Variants in GALNTL6 observed in about 807,000 individuals in gnomAD.
The protein encoded by GALNTL6 is polypeptide N-acetylgalactosaminyltransferase-like 6.
Under a neutral mutation model 73.7 loss-of-function variants are expected in GALNTL6, and 46 were observed. The ratio of observed to expected loss-of-function variants is 0.62; its 90% confidence interval spans 0.49 to 0.80. The LOEUF (loss-of-function observed/expected upper bound fraction) is 0.80. Ranked by LOEUF, GALNTL6 falls within the 30% of genes least tolerant of loss-of-function variation. The probability of loss-of-function intolerance (pLI) is 0.00; values close to 1 mark genes in which losing one functional copy is unlikely to be tolerated. For synonymous variants in GALNTL6, 259 were observed against 263.7 expected, an observed-to-expected ratio of 0.98 and a Z score of 0.17; for missense variants, 604 against 755.0, an observed-to-expected ratio of 0.80 and a Z score of 2.34.
At chr4:171,987,884 T>C (rs1740154307) in intron 2 of GALNTL6, among the ~76,000 whole-genome samples, 1 of 151,834 alleles carries the variant, frequency 6.6e-6, no homozygotes, top group Non-Finnish European at 1.5e-5. Context: ...GGGGGTCAGG[T>C]GTGGTATCAG....
intron 10 of GALNTL6, among the ~76,000 whole-genome samples, chr4:172,999,039 A>G (rs1218350952): frequency 3.3e-5 from 5 of 151,068 alleles, no homozygotes; most frequent in Non-Finnish European, 5.9e-5. Context: ...AGAGGGCTCT[A>G]GGGAGTACTG....
At position 172,615,939 on chromosome 4, in the gene GALNTL6, T is replaced by A. The variant is rs187919280; in HGVS notation, c.554-193422T>A. Among the ~76,000 whole-genome samples the A allele has an allele frequency of 1.6e-3, 247 of 152,326 alleles. 1 individual carries two copies. The highest frequency in any genetic ancestry group is 5.1e-3 in the African/African-American group (214 of 41,572). ...CTAACACCTGACTCTCTTGCTTTTATTTCTTTTCTTTAAGTAAATGAAGTA... is the reference window on the plus strand; with the variant it reads ...CTAACACCTGACTCTCTTGCTTTTAATTCTTTTCTTTAAGTAAATGAAGTA... On this transcript the variant is annotated intron_variant, in intron 5 of 12. Transcript: ENST00000506823.
chr4:172,824,136 C>T (rs1208839137), intron 7 of GALNTL6, among the ~76,000 whole-genome samples: 1 of 152,118 alleles, frequency 6.6e-6, no homozygotes, highest in Non-Finnish European at 1.5e-5. Flanking sequence ...ATGTATAGCT[C>T]TAAAGTCTAG....
chr4:172,086,194 C>T lies in GALNTL6; in HGVS notation c.139-143462C>T, dbSNP rs535486918. 5.3e-5 allele frequency among the ~76,000 whole-genome samples: 8 copies of T among 152,068 alleles called. No homozygotes were observed. The South Asian group carries it at 1.7e-3, about 32-fold the overall frequency. On this transcript the variant is annotated intron_variant, in intron 2 of 12. Transcript: ENST00000506823. ...TTATTAACCTTTATGATTAGGTGTA[C>T]ACATTAGCTGTAATTAAACTGTAGA...
intron 3 of GALNTL6, among the ~76,000 whole-genome samples, chr4:172,274,491 G>A (rs912921727): frequency 6.6e-6 from 1 of 152,162 alleles, no homozygotes; most frequent in Non-Finnish European, 1.5e-5. Context: ...TTCATTATCT[G>A]AGTATACGTT....
chr4:171,940,974 G>A (rs1326342824), intron 2 of GALNTL6, among the ~76,000 whole-genome samples: 3 of 151,820 alleles, frequency 2.0e-5, no homozygotes, highest in African/African-American at 7.2e-5. Context: ...GAAAATTAGT[G>A]ATTGATGGGA....
At chr4:172,899,946 G>A (rs1001395103) in intron 8 of GALNTL6, among the ~76,000 whole-genome samples, 4 of 152,088 alleles carry the variant, frequency 2.6e-5, no homozygotes, top group Admixed American at 1.3e-4. Flanking sequence ...TCTTGGTTTT[G>A]GTGGGTTTTG....
chr4:172,110,377 G>A (rs1732818524), intron 2 of GALNTL6, among the ~76,000 whole-genome samples: 1 of 152,148 alleles, frequency 6.6e-6, no homozygotes, highest in Non-Finnish European at 1.5e-5. Context: ...ATCTGATGTT[G>A]CATCAAAAAT....
At chr4:172,189,320 G>T (rs1280182036) in intron 2 of GALNTL6, among the ~76,000 whole-genome samples, 7 of 152,050 alleles carry the variant, frequency 4.6e-5, no homozygotes, top group Admixed American at 4.6e-4. Context: ...ATTCTACAAA[G>T]TAATAATTTA....
intron 2 of GALNTL6, among the ~76,000 whole-genome samples, chr4:172,222,478 A>G (rs1347652322): frequency 6.6e-6 from 1 of 151,996 alleles, no homozygotes; most frequent in Admixed American, 6.6e-5. Context: ...GGTTAGCCTA[A>G]AAGATGTGTC....
chr4:171,920,228 T>G (rs140316795), intron 2 of GALNTL6, among the ~76,000 whole-genome samples: 6,000 of 151,650 alleles, frequency 0.04, 351 homozygotes, highest in African/African-American at 0.12. Flanking sequence ...GGGGCCTGTT[T>G]TGGGGTAGGG....
At chr4:172,138,502 TATATATATATA>T (rs1432702666) in intron 2 of GALNTL6, among the ~76,000 whole-genome samples, 11 of 12,614 alleles carry the variant, frequency 8.7e-4, no homozygotes, top group South Asian at 2.6e-3. Context: ...TATATATATA[TATATATATATA>T]TTTTTTTTTT....
intron 5 of GALNTL6, among the ~76,000 whole-genome samples, chr4:172,494,900 A>T (rs2110757867): frequency 6.6e-6 from 1 of 152,284 alleles, no homozygotes; most frequent in African/African-American, 2.4e-5. Context: ...CTCAAATGTT[A>T]GTCTCCTTTG....
At chr4:172,285,936 G>C (rs1366745160) in intron 3 of GALNTL6, among the ~76,000 whole-genome samples, 3 of 152,154 alleles carry the variant, frequency 2.0e-5, no homozygotes, top group Non-Finnish European at 4.4e-5. Context: ...CTGAGTACTT[G>C]GATGAAAAAT....
At chr4:172,520,741 T>C (rs185905428) in intron 5 of GALNTL6, among the ~76,000 whole-genome samples, 105 of 152,156 alleles carry the variant, frequency 6.9e-4, no homozygotes, top group East Asian at 1.7e-3. Context: ...GAGATTCTTA[T>C]CTGAAAACTC....
intron 2 of GALNTL6, among the ~76,000 whole-genome samples, chr4:171,849,366 G>A (rs1026749695): frequency 6.6e-6 from 1 of 152,252 alleles, no homozygotes; most frequent in South Asian, 2.1e-4. Context: ...TCTTCCTTGA[G>A]ATCACTCCCT....
At chr4:171,845,265 C>G (rs1735339661) in intron 2 of GALNTL6, among the ~76,000 whole-genome samples, 1 of 152,098 alleles carries the variant, frequency 6.6e-6, no homozygotes, top group Non-Finnish European at 1.5e-5. Flanking sequence ...TCTCTTTGTT[C>G]TGAGCGAAAA....
intron 2 of GALNTL6, among the ~76,000 whole-genome samples, chr4:172,123,956 C>T (rs922545424): frequency 1.3e-5 from 2 of 152,084 alleles, no homozygotes; most frequent in African/African-American, 4.8e-5. Context: ...CTTAAAGTTA[C>T]TAGAAACCTA....
rs138191430 is a variant in GALNTL6, at chr4:172,537,228, G to A, written c.553+188539G>A. Among the ~76,000 whole-genome samples, 463 of 152,268 alleles carry A rather than the reference G, an allele frequency of 3.0e-3. 2 individuals carry two copies. The highest frequency in any genetic ancestry group is 0.01 in the African/African-American group (427 of 41,566). ...TTGAAATGTGAGGACATGAGATTTCGGAGGGGCCAGGGTGGAATGATACAG... is the reference window on the plus strand; with the variant it reads ...TTGAAATGTGAGGACATGAGATTTCAGAGGGGCCAGGGTGGAATGATACAG... On this transcript the variant is annotated intron_variant, in intron 5 of 12. Coordinates refer to ENST00000506823, the MANE Select transcript of GALNTL6 (RefSeq NM_001034845.3).
Sources: allele counts gnomAD v4.1 joint callset (sites outside exome capture counted in the v4.1 genomes callset), GRCh38; gene constraint gnomAD v4.1.1; transcripts MANE v1.5; gene names NCBI Gene and HGNC (gene_info 2026-07-23, HGNC 2026-07-21).